Variants in KRTAP5-9 observed in about 807,000 individuals in gnomAD.
KRTAP5-9 encodes the protein keratin-associated protein 5-9.
In KRTAP5-9, 2 loss-of-function variants were observed where a neutral mutation model predicts 3.0. The ratio of observed to expected loss-of-function variants is 0.67; its 90% CI spans 0.27 to 2.09. The LOEUF is 2.09. Ranked by LOEUF, KRTAP5-9 falls within the 30% of genes most tolerant of loss-of-function variation. The pLI is 0.14. For missense variants in KRTAP5-9, 183 were observed against 204.2 expected, an observed-to-expected ratio of 0.90 and a Z score of 0.63; for synonymous variants, 70 against 81.2, an observed-to-expected ratio of 0.86 and a Z score of 0.74.
At position 71,548,947 on chromosome 11, in the gene KRTAP5-9, G is replaced by A. The variant is rs535053140; in HGVS notation, c.290G>A (p.Cys97Tyr). 9.3e-4 allele frequency: 1,495 copies of A among 1,603,926 alleles called. 30 individuals carry two copies. The South Asian group carries it at 0.016, about 17-fold the overall frequency. Residue 97 changes from cysteine (C) to tyrosine (Y), a missense_variant, in exon 1 of 1, where the codon TGC becomes TAC. Physicochemically the swap from Cys to Tyr is radical, Grantham distance 194. Transcript: ENST00000528743. ...CCSSGCGSSCCQCSCCKPYCS... is the reference protein window; with the variant it reads ...CCSSGCGSSCYQCSCCKPYCS... ...TCTTCAGGCTGTGGGTCATCCTGCTGCCAGTGCAGCTGCTGCAAGCCCTAC... is the reference window on the plus strand; with the variant it reads ...TCTTCAGGCTGTGGGTCATCCTGCTACCAGTGCAGCTGCTGCAAGCCCTAC...
chr11:71,548,663 C>T lies in KRTAP5-9; in HGVS notation c.6C>T (p.Gly2=), dbSNP rs180808688. The T allele has an allele frequency of 4.2e-4, 677 of 1,607,836 alleles. 4 individuals are homozygous for T. In the African/African-American group the frequency reaches 8.2e-3, roughly 20 times the overall value. The part of the protein sequence containing the change: M[G]CCGCSGGCGS... ...ACCCTCAATCCACCAGAACCATGGG[C>T]TGCTGTGGCTGCTCCGGAGGCTGTG... Residue 2 remains glycine (G), a synonymous_variant, in exon 1 of 1, where the codon GGC becomes GGT. Coordinates refer to ENST00000528743, the MANE Select transcript of KRTAP5-9 (RefSeq NM_005553.4).
chr11:71,548,452 G>T lies in KRTAP5-9; in HGVS notation c.-206G>T. 2 of 1,050,246 alleles carry T rather than the reference G, an allele frequency of 1.9e-6. No homozygotes were observed. The highest frequency in any genetic ancestry group is 2.7e-6 in the Non-Finnish European group (2 of 730,562). The allele number at this position is 1,050,246 out of a possible 1,614,324, so 65.1% of individuals were successfully genotyped here. On this transcript the variant is annotated 5_prime_UTR_variant, in exon 1 of 1. Transcript: ENST00000528743. ...ACAAGGAAATCATCTCAGGAGGAAG[G>T]GCTCATACTTGGATCCAGAAAATAT...
rs1260991303 is a variant in KRTAP5-9 at position 71,548,636 on chromosome 11, C to G, written c.-22C>G. ...CTTCTCACCTGCTCCTCTACCTGCT[C>G]CACCCTCAATCCACCAGAACCATGG... On this transcript the variant is annotated 5_prime_UTR_variant, in exon 1 of 1. Transcript: ENST00000528743. 1.3e-6 allele frequency: 2 copies of G among 1,598,622 alleles called. No individual in the cohort carries two copies. Among genetic ancestry groups the G allele is most frequent in the Non-Finnish European group, 1.7e-6 (2 of 1,173,830 alleles).
Position 71,549,005 on chromosome 11 carries a change from C to T in KRTAP5-9, c.348C>T (p.Cys116=). 6.2e-7 allele frequency: 1 copy of T among 1,607,360 alleles called. No homozygotes were observed. Among genetic ancestry groups the T allele is most frequent in the Non-Finnish European group, 8.5e-7 (1 of 1,179,092 alleles). Reference sequence around the variant, plus strand: ...AGTGCAGCTGCTGTAAGCCCTGTTGCTCCTCCTCGGGTCGTGGGTCATCCT... The same window carrying T: ...AGTGCAGCTGCTGTAAGCCCTGTTGTTCCTCCTCGGGTCGTGGGTCATCCT... ...CSQCSCCKPC[C]SSSGRGSSCC... The change falls in exon 1 of 1, where the codon TGC becomes TGT. Residue 116 remains cysteine (C), a synonymous_variant. Coordinates refer to ENST00000528743, the MANE Select transcript of KRTAP5-9 (RefSeq NM_005553.4).
In KRTAP5-9 at chr11:71,549,474, A is replaced by G. The variant is rs1950113099; in HGVS notation, c.*307A>G. 3.9e-6 allele frequency: 2 copies of G among 513,858 alleles called. No individual in the cohort carries two copies. Among genetic ancestry groups the G allele is most frequent in the Non-Finnish European group, 7.2e-6 (2 of 279,088 alleles). The allele number at this position is 513,858 out of a possible 1,614,324, so 31.8% of individuals were successfully genotyped here. On this transcript the variant is annotated 3_prime_UTR_variant, in exon 1 of 1. Transcript: ENST00000528743. The stretch of plus-strand genomic sequence containing the variant: ...CTTGATAATTCCATGGGAGACAGCA[A>G]ACCCTTCTTTCCTTTGCCTGCCAGG...
Position 71,548,492 on chromosome 11 carries a change from A to G in KRTAP5-9, c.-166A>G, listed in dbSNP as rs1950106508. The G allele has an allele frequency of 7.2e-7, 1 of 1,380,854 alleles. No individual in the cohort carries two copies. Among genetic ancestry groups the G allele is most frequent in the Non-Finnish European group, 9.8e-7 (1 of 1,016,092 alleles). 85.5% of individuals were successfully genotyped at this position (1,380,854 alleles called of 1,614,324 possible). A position where few individuals can be genotyped will look rare whatever the true frequency, so the allele number is the denominator to read the frequency against. On this transcript the variant is annotated 5_prime_UTR_variant, in exon 1 of 1. Coordinates refer to ENST00000528743, the MANE Select transcript of KRTAP5-9 (RefSeq NM_005553.4). ...CCAGAAAATATCAACATAGCCAAAG[A>G]AAAACAATCAAGACATACCTCCAGG...
In KRTAP5-9 at chr11:71,549,310, A is replaced by C; in HGVS notation, c.*143A>C. 8.4e-7 allele frequency: 1 copy of C among 1,193,100 alleles called. No homozygotes were observed. The allele number at this position is 1,193,100 out of a possible 1,614,324, so 73.9% of individuals were successfully genotyped here. ...TCCAGCCCCTGAGGAAATGGAATGAACCACTCCCTGCCCATTCCCTATAAG... is the reference window on the plus strand; with the variant it reads ...TCCAGCCCCTGAGGAAATGGAATGACCCACTCCCTGCCCATTCCCTATAAG... On this transcript the variant is annotated 3_prime_UTR_variant, in exon 1 of 1. Transcript: ENST00000528743.
Position 71,548,556 on chromosome 11 carries a change from G to A in KRTAP5-9, c.-102G>A. On this transcript the variant is annotated 5_prime_UTR_variant, in exon 1 of 1. Coordinates refer to ENST00000528743, the MANE Select transcript of KRTAP5-9 (RefSeq NM_005553.4). ...CAACCGGAAAGAGAAACAATGGTGT[G>A]TTCCTATGTGGGATATAAAGAGCCG... The A allele has an allele frequency of 2.0e-6, 3 of 1,536,762 alleles. No individual in the cohort carries two copies. The highest frequency in any genetic ancestry group is 1.3e-5 in the South Asian group (1 of 77,432).
At position 71,549,240 on chromosome 11, in the gene KRTAP5-9, T is replaced by A; in HGVS notation, c.*73T>A. On this transcript the variant is annotated 3_prime_UTR_variant, in exon 1 of 1. Transcript: ENST00000528743. ...AACAAGTGACTACCCTTGAAGCACA[T>A]CCCCTTCTGGATCTGAAAAGAGCCC... is the stretch of plus-strand genomic sequence containing the variant. 6.3e-7 allele frequency: 1 copy of A among 1,594,648 alleles called. No individual in the cohort carries two copies. The highest frequency in any genetic ancestry group is 8.6e-7 in the Non-Finnish European group (1 of 1,166,542).
chr11:71,548,420 G>T lies in KRTAP5-9; in HGVS notation c.-238G>T, dbSNP rs932000838. On this transcript the variant is annotated 5_prime_UTR_variant, in exon 1 of 1. Transcript: ENST00000528743. The stretch of plus-strand genomic sequence containing the variant: ...TTGGAGCTGTTTTTCCTTTCAGTAT[G>T]AATTCCACAAGGAAATCATCTCAGG... 7.1e-6 allele frequency: 6 copies of T among 844,508 alleles called. No individual in the cohort carries two copies. The highest frequency in any genetic ancestry group is 1.1e-5 in the Non-Finnish European group (6 of 559,572). The allele number at this position is 844,508 out of a possible 1,614,324, so 52.3% of individuals were successfully genotyped here.
chr11:71,548,489 A>G lies in KRTAP5-9; in HGVS notation c.-169A>G. 1 of 1,370,260 alleles carries G rather than the reference A, an allele frequency of 7.3e-7. No homozygotes were observed. The highest frequency in any genetic ancestry group is 2.3e-5 in the East Asian group (1 of 43,054). 84.9% of individuals were successfully genotyped at this position (1,370,260 alleles called of 1,614,324 possible). Reference sequence around the variant, plus strand: ...GATCCAGAAAATATCAACATAGCCAAAGAAAAACAATCAAGACATACCTCC... The same window carrying G: ...GATCCAGAAAATATCAACATAGCCAGAGAAAAACAATCAAGACATACCTCC... On this transcript the variant is annotated 5_prime_UTR_variant, in exon 1 of 1. Coordinates refer to ENST00000528743, the MANE Select transcript of KRTAP5-9 (RefSeq NM_005553.4).
chr11:71,549,176 T>G lies in KRTAP5-9; in HGVS notation c.*9T>G. The stretch of plus-strand genomic sequence containing the variant: ...ACCAGTGCAAGATCTGAGGCTCTAG[T>G]GGGAAACCTCAGGTAGCTCCTGAAG... On this transcript the variant is annotated 3_prime_UTR_variant, in exon 1 of 1. Coordinates refer to ENST00000528743, the MANE Select transcript of KRTAP5-9 (RefSeq NM_005553.4). 1 of 1,611,118 alleles carries G rather than the reference T, an allele frequency of 6.2e-7. No homozygotes were observed. Among genetic ancestry groups the G allele is most frequent in the Non-Finnish European group, 8.5e-7 (1 of 1,179,964 alleles).
In KRTAP5-9 at chr11:71,548,770, C is replaced by T. The variant is rs12791610; in HGVS notation, c.113C>T (p.Pro38Leu). 5.1e-3 allele frequency: 8,212 copies of T among 1,613,180 alleles called. 37 individuals are homozygous for T. The highest frequency in any genetic ancestry group is 6.1e-3 in the Non-Finnish European group (7,210 of 1,179,730). Residue 38 changes from proline (P) to leucine (L), a missense_variant, in exon 1 of 1, where the codon CCC becomes CTC. By Grantham distance (98) the Pro-to-Leu change is moderately conservative. Coordinates refer to ENST00000528743, the MANE Select transcript of KRTAP5-9 (RefSeq NM_005553.4). ...CRGCGPSCCAPVYCCKPVCCC... is the reference protein window; with the variant it reads ...CRGCGPSCCALVYCCKPVCCC... ...GGCTGTGGCCCCAGCTGCTGTGCACCCGTCTACTGCTGCAAGCCCGTGTGC... is the reference window on the plus strand; with the variant it reads ...GGCTGTGGCCCCAGCTGCTGTGCACTCGTCTACTGCTGCAAGCCCGTGTGC...
In KRTAP5-9 at chr11:71,549,379, C is replaced by A. The variant is rs991680083; in HGVS notation, c.*212C>A. On this transcript the variant is annotated 3_prime_UTR_variant, in exon 1 of 1. Transcript: ENST00000528743. ...CAATTTTGCCCCTCTTTCCCACATG[C>A]CCCCATATGTCTGAGCCAAACTGCA... The A allele has an allele frequency of 1.4e-6, 1 of 715,050 alleles. No individual in the cohort carries two copies. The highest frequency in any genetic ancestry group is 2.3e-6 in the Non-Finnish European group (1 of 428,986). 44.3% of individuals were successfully genotyped at this position (715,050 alleles called of 1,614,324 possible). A position where few individuals can be genotyped will look rare whatever the true frequency, so the allele number is the denominator to read the frequency against.
chr11:71,548,605 C>G lies in KRTAP5-9; in HGVS notation c.-53C>G. The G allele has an allele frequency of 6.3e-7, 1 of 1,581,506 alleles. No homozygotes were observed. The highest frequency in any genetic ancestry group is 2.2e-5 in the East Asian group (1 of 44,768). The stretch of plus-strand genomic sequence containing the variant: ...CGGGGCTCAGGGGGCTCCACACCTG[C>G]ACCTCCTTCTCACCTGCTCCTCTAC... On this transcript the variant is annotated 5_prime_UTR_variant, in exon 1 of 1. Transcript: ENST00000528743.
At position 71,549,432 on chromosome 11, in the gene KRTAP5-9, A is replaced by G. The variant is rs1240694229; in HGVS notation, c.*265A>G. The G allele has an allele frequency of 1.7e-6, 1 of 584,264 alleles. No individual in the cohort carries two copies. The highest frequency in any genetic ancestry group is 3.1e-6 in the Non-Finnish European group (1 of 322,200). 36.2% of individuals were successfully genotyped at this position (584,264 alleles called of 1,614,324 possible). A position where few individuals can be genotyped will look rare whatever the true frequency, so the allele number is the denominator to read the frequency against. Reference sequence around the variant, plus strand: ...GGGGGCTGCCCTCATGCCAAGCAAGAGCCTGGAATTCCCCTTCTTGATAAT... The same window carrying G: ...GGGGGCTGCCCTCATGCCAAGCAAGGGCCTGGAATTCCCCTTCTTGATAAT... On this transcript the variant is annotated 3_prime_UTR_variant, in exon 1 of 1. Coordinates refer to ENST00000528743, the MANE Select transcript of KRTAP5-9 (RefSeq NM_005553.4).
rs200091258 is a variant in KRTAP5-9 at position 71,548,945 on chromosome 11, C to G, written c.288C>G (p.Cys96Trp). 3,852 of 1,603,986 alleles carry G rather than the reference C, an allele frequency of 2.4e-3. 2 individuals carry two copies. The highest frequency in any genetic ancestry group is 2.7e-3 in the Non-Finnish European group (3,151 of 1,175,966). The part of the protein sequence containing the change: ...CCCSSGCGSS[C>W]CQCSCCKPYC... ...GCTCTTCAGGCTGTGGGTCATCCTGCTGCCAGTGCAGCTGCTGCAAGCCCT... is the reference window on the plus strand; with the variant it reads ...GCTCTTCAGGCTGTGGGTCATCCTGGTGCCAGTGCAGCTGCTGCAAGCCCT... The change falls in exon 1 of 1, where the codon TGC (cysteine) becomes TGG (tryptophan). Residue 96 changes from cysteine to tryptophan, a missense_variant. Cys to Trp is a radical substitution (Grantham distance 215, BLOSUM62 -2). Transcript: ENST00000528743.
In KRTAP5-9 at chr11:71,548,700, G is replaced by C. The variant is rs1196427173; in HGVS notation, c.43G>C (p.Gly15Arg). The C allele has an allele frequency of 6.2e-7, 1 of 1,612,596 alleles. No homozygotes were observed. Among genetic ancestry groups the C allele is most frequent in the South Asian group, 1.1e-5 (1 of 90,972 alleles). ...CTCCGGAGGCTGTGGCTCCAGCTGT[G>C]GAGGCTGTGACTCCAGCTGTGGGAG... Reference protein sequence around the residue: ...GCSGGCGSSCGGCDSSCGSCG... With the variant: ...GCSGGCGSSCRGCDSSCGSCG... Residue 15 changes from glycine to arginine, a missense_variant, in exon 1 of 1, where the codon GGA (glycine) becomes CGA (arginine). Coordinates refer to ENST00000528743, the MANE Select transcript of KRTAP5-9 (RefSeq NM_005553.4).
At position 71,548,774 on chromosome 11, in the gene KRTAP5-9, C is replaced by A; in HGVS notation, c.117C>A (p.Val39=). Residue 39 remains valine, a synonymous_variant, in exon 1 of 1, where the codon GTC becomes GTA. Coordinates refer to ENST00000528743, the MANE Select transcript of KRTAP5-9 (RefSeq NM_005553.4). The stretch of plus-strand genomic sequence containing the variant: ...GTGGCCCCAGCTGCTGTGCACCCGT[C>A]TACTGCTGCAAGCCCGTGTGCTGCT... ...RGCGPSCCAP[V]YCCKPVCCCV... is the part of the protein sequence containing the mutation. 1 of 1,613,316 alleles carries A rather than the reference C, an allele frequency of 6.2e-7. No homozygotes were observed. Among genetic ancestry groups the A allele is most frequent in the East Asian group, 2.2e-5 (1 of 44,870 alleles).
Sources: allele counts gnomAD v4.1 joint callset, GRCh38; gene constraint gnomAD v4.1.1; transcripts MANE v1.5; gene names NCBI Gene and HGNC (gene_info 2026-07-23, HGNC 2026-07-21).